Variants in SLC24A2 observed in about 807,000 individuals in gnomAD.
SLC24A2 encodes solute carrier family 24 member 2, also known as sodium/potassium/calcium exchanger 2.
A neutral mutation model predicts 62.0 loss-of-function variants in SLC24A2; 36 were observed. The ratio of observed to expected loss-of-function variants is 0.58; its 90% CI spans 0.44 to 0.77. The LOEUF is 0.77. Ranked by LOEUF, SLC24A2 falls within the 30% of genes least tolerant of loss-of-function variation. The pLI is 0.00. For synonymous variants in SLC24A2, 358 were observed against 294.0 expected (o/e 1.22, Z -2.23); for missense variants, 846 against 817.9 (o/e 1.03, Z -0.42).
intron 7 of SLC24A2, among the ~76,000 whole-genome samples, chr9:19,561,629 T>C (rs1048873556): frequency 4.0e-5 from 6 of 151,286 alleles, no homozygotes; most frequent in African/African-American, 4.9e-5. Context: ...AGAGATGGGA[T>C]TTCACCCATC....
the SLC24A2 span, among the ~76,000 whole-genome samples, chr9:20,281,039 C>G: frequency 6.6e-6 from 1 of 152,148 alleles, no homozygotes; most frequent in African/African-American, 2.4e-5. Flanking sequence ...AATGGATCCC[C>G]CAACCTCAGC....
the SLC24A2 span, among the ~76,000 whole-genome samples, chr9:20,208,265 G>A: frequency 1.3e-5 from 2 of 152,182 alleles, no homozygotes; most frequent in Non-Finnish European, 2.9e-5. Context: ...GTCTTCACAG[G>A]AAAGCAGGCA....
At chr9:19,935,994 C>A in the SLC24A2 span, among the ~76,000 whole-genome samples, 1 of 152,116 alleles carries the variant, frequency 6.6e-6, no homozygotes. Flanking sequence ...AAACTTAAGG[C>A]TTTAATCACA....
the SLC24A2 span, among the ~76,000 whole-genome samples, chr9:20,286,087 T>C: frequency 6.6e-6 from 1 of 152,194 alleles, no homozygotes; most frequent in Non-Finnish European, 1.5e-5. Flanking sequence ...TTGCAAATCA[T>C]CATATATGAA....
At chr9:20,286,817 C>A in the SLC24A2 span, among the ~76,000 whole-genome samples, 2 of 152,180 alleles carry the variant, frequency 1.3e-5, no homozygotes, top group Non-Finnish European at 2.9e-5. Flanking sequence ...GGATGCACTA[C>A]AGAGGAGGCC....
chr9:19,930,396 T>C, the SLC24A2 span, among the ~76,000 whole-genome samples: 1 of 152,212 alleles, frequency 6.6e-6, no homozygotes, highest in Non-Finnish European at 1.5e-5. Flanking sequence ...ATCTGTAGCC[T>C]AGCAGCAATA....
intron 8 of SLC24A2, among the ~76,000 whole-genome samples, chr9:19,546,177 G>A (rs1834556635): frequency 6.6e-6 from 1 of 152,228 alleles, no homozygotes; most frequent in East Asian, 1.9e-4. Flanking sequence ...CAGTACACAT[G>A]GGTGTCAGGG....
chr9:19,981,510 T>C, the SLC24A2 span, among the ~76,000 whole-genome samples: 2 of 152,244 alleles, frequency 1.3e-5, no homozygotes, highest in African/African-American at 4.8e-5. Flanking sequence ...TTTTTTTTAA[T>C]TTTTGGAATC....
chr9:20,032,338 C>T, the SLC24A2 span, among the ~76,000 whole-genome samples: 2 of 152,096 alleles, frequency 1.3e-5, no homozygotes, highest in Non-Finnish European at 2.9e-5. Flanking sequence ...ATTAAGCCAC[C>T]AGCAAAGTTT....
the SLC24A2 span, among the ~76,000 whole-genome samples, chr9:20,284,577 C>G: frequency 6.6e-6 from 1 of 152,072 alleles, no homozygotes; most frequent in Non-Finnish European, 1.5e-5. Flanking sequence ...GATTCAACAT[C>G]TCTGCCCAGC....
the SLC24A2 span, among the ~76,000 whole-genome samples, chr9:19,953,426 ATAT>A: frequency 1.3e-5 from 2 of 152,006 alleles, no homozygotes; most frequent in Non-Finnish European, 2.9e-5. Flanking sequence ...GTGCTTAAGG[ATAT>A]TATTATCTAG....
chr9:20,187,071 C>A, the SLC24A2 span, among the ~76,000 whole-genome samples: 1 of 152,094 alleles, frequency 6.6e-6, no homozygotes, highest in South Asian at 2.1e-4. Context: ...AGACAGTGCT[C>A]CCTGTCTCAT....
the SLC24A2 span, among the ~76,000 whole-genome samples, chr9:20,095,202 G>T: frequency 6.6e-6 from 1 of 152,058 alleles, no homozygotes; most frequent in Non-Finnish European, 1.5e-5. Flanking sequence ...CATGTAATGG[G>T]CTTATTACTC....
At chr9:19,666,706 CT>C (rs377375198) in intron 2 of SLC24A2, among the ~76,000 whole-genome samples, 1 of 151,888 alleles carries the variant, frequency 6.6e-6, no homozygotes, top group Non-Finnish European at 1.5e-5. Context: ...TGACTAGCAG[CT>C]TTTTTTTCCC....
chr9:20,195,649 T>C, the SLC24A2 span, among the ~76,000 whole-genome samples: 3 of 152,184 alleles, frequency 2.0e-5, no homozygotes, highest in Non-Finnish European at 2.9e-5. Context: ...TTCCATTTAA[T>C]GTTTTCCAGC....
the SLC24A2 span, among the ~76,000 whole-genome samples, chr9:20,198,489 A>G: frequency 6.6e-6 from 1 of 151,982 alleles, no homozygotes; most frequent in Non-Finnish European, 1.5e-5. Flanking sequence ...CCTTTCCCTG[A>G]CTTACTCCGT....
chr9:20,079,188 G>T, the SLC24A2 span, among the ~76,000 whole-genome samples: 101 of 152,320 alleles, frequency 6.6e-4, 1 homozygote, highest in African/African-American at 2.3e-3. Flanking sequence ...GAAGCTGGAA[G>T]AGGCAAGGAG....
rs188596508 is a variant in SLC24A2, at chr9:19,632,862, T to G, written c.931-10563A>C. On this transcript the variant is annotated intron_variant, in intron 2 of 10. Transcript: ENST00000341998. The surrounding 1 kb of genome is among the most constrained non-coding windows in gnomAD (Gnocchi z 4.5). The stretch of plus-strand genomic sequence containing the variant: ...TGTGCATAGTGTGTATGTAGTTCTA[T>G]GCAGTTTAATTATATGTGTAGCTTC... 4.6e-5 allele frequency among the ~76,000 whole-genome samples: 7 copies of G among 152,318 alleles called. No individual in the cohort carries two copies. The highest frequency in any genetic ancestry group is 8.8e-5 in the Non-Finnish European group (6 of 68,034).
intron 2 of SLC24A2, among the ~76,000 whole-genome samples, chr9:19,692,464 C>T (rs1038194817): frequency 6.6e-6 from 1 of 152,036 alleles, no homozygotes; most frequent in Non-Finnish European, 1.5e-5. Flanking sequence ...TTGAAGCCAC[C>T]TTATTAGTTT....
Sources: allele counts gnomAD v4.1 joint callset (sites outside exome capture counted in the v4.1 genomes callset), GRCh38; gene constraint gnomAD v4.1.1; non-coding constraint Gnocchi (gnomAD v3.1); transcripts MANE v1.5; gene names NCBI Gene and HGNC (gene_info 2026-07-23, HGNC 2026-07-21).